The following HOOK2 variants were observed in gnomAD, a reference collection of about 807,000 sequenced individuals.
HOOK2 encodes hook microtubule tethering protein 2.
HOOK2 carries 108 observed loss-of-function variants against 111.9 expected under a neutral mutation model. The observed-to-expected ratio is 0.96, with a 90% CI of 0.83 to 1.13. The LOEUF (loss-of-function observed/expected upper bound fraction) is 1.13. HOOK2 is among the 50% of genes most tolerant of loss of function. The probability of loss-of-function intolerance (pLI) is 0.00; values close to 1 mark genes in which losing one functional copy is unlikely to be tolerated. For missense variants in HOOK2, 978 were observed against 951.3 expected (o/e 1.03, Z -0.37); for synonymous variants, 405 against 394.3 (o/e 1.03, Z -0.32).
At position 12,772,700 on chromosome 19, in the gene HOOK2, A is replaced by T; in HGVS notation, c.389-20T>A. 6.2e-7 allele frequency: 1 copy of T among 1,614,014 alleles called. No individual in the cohort carries two copies. Among genetic ancestry groups the T allele is most frequent in the Non-Finnish European group, 8.5e-7 (1 of 1,179,928 alleles). ...TGTGGTCTGGGGATCAAGGTGGGGG[A>T]GGCTGAGACCCAGGGGTGAGGTGGG... On this transcript the variant is annotated intron_variant, in intron 5 of 22. Transcript: ENST00000397668.
chr19:12,777,574 G>C (rs1417564154), upstream of HOOK2, among the ~76,000 whole-genome samples: 4 of 152,272 alleles, frequency 2.6e-5, no homozygotes, highest in South Asian at 2.1e-4. Context: ...GAAGAGGTCA[G>C]TTAGACACAC....
chr19:12,770,485 A>G (rs1464955949), intron 10 of HOOK2, among the ~76,000 whole-genome samples: 2 of 151,834 alleles, frequency 1.3e-5, no homozygotes, highest in African/African-American at 4.8e-5. Context: ...CAGAGATGCT[A>G]TAGGGGCCCA....
intron 20 of HOOK2, among the ~76,000 whole-genome samples, chr19:12,764,069 A>C (rs1465942014): frequency 6.6e-6 from 1 of 152,004 alleles, no homozygotes; most frequent in East Asian, 1.9e-4. Context: ...GCCTGGAGTG[A>C]AGTGGCGCAC....
chr19:12,788,458 C>T (rs184719240), intron 3 of HOOK2, among the ~76,000 whole-genome samples: 1 of 152,246 alleles, frequency 6.6e-6, no homozygotes, highest in African/African-American at 2.4e-5. Flanking sequence ...CTGAGTCTCA[C>T]TGTCTGCGTG....
At chr19:12,765,880 C>T (rs755591515) in intron 16 of HOOK2, 46 bp from the exon 17 acceptor site, 38 of 1,611,564 alleles carry the variant, frequency 2.4e-5, no homozygotes, top group Middle Eastern at 1.6e-4. Context: ...AGGGTTACTT[C>T]GGGGCACAAG....
rs554319032 is a variant in HOOK2, at chr19:12,774,796, C to T, written c.131+16G>A. 1.3e-5 allele frequency: 21 copies of T among 1,613,900 alleles called. No individual in the cohort carries two copies. The South Asian group carries it at 2.3e-4, about 18-fold the overall frequency. ...TGGGGGACACTTTTGGGATCCTCCC[C>T]TTCAGCTCCACTCACATCTGGTTCA... is the stretch of plus-strand genomic sequence containing the variant. On this transcript the variant is annotated intron_variant, in intron 2 of 22. Coordinates refer to ENST00000397668, the MANE Select transcript of HOOK2 (RefSeq NM_013312.3).
chr19:12,770,019 G>T lies in HOOK2; in HGVS notation c.966C>A (p.Gly322=). The T allele has an allele frequency of 2.6e-6, 4 of 1,541,002 alleles. No individual in the cohort carries two copies. Among genetic ancestry groups the T allele is most frequent in the Non-Finnish European group, 3.5e-6 (4 of 1,147,020 alleles). ...CCTGCCGCCGCAGCTCCCTCAGCTC[G>T]CCCAAGCGGCGCCGGCAACTGGTCA... is the stretch of plus-strand genomic sequence containing the variant. ...ATLTSCRRRL[G]ELRELRRQVR... Residue 322 remains glycine, a synonymous_variant, in exon 11 of 23, where the codon GGC becomes GGA. Transcript: ENST00000397668.
Position 12,790,613 on chromosome 19 carries a change from T to C in HOOK2, n.42-16388A>G, listed in dbSNP as rs572553705. 1.3e-5 allele frequency among the ~76,000 whole-genome samples: 2 copies of C among 152,266 alleles called. No homozygotes were observed. Among genetic ancestry groups the C allele is most frequent in the Non-Finnish European group, 2.9e-5 (2 of 68,012 alleles). On this transcript the variant is annotated intron_variant and non_coding_transcript_variant, in intron 3 of 3. Coordinates refer to the HOOK2 transcript ENST00000589765. This position sits in a 1 kb window ranked among gnomAD's most constrained non-coding sequence, Gnocchi z 7.2. ...CACATGTCAACTGAGTACCCTCTTA[T>C]TGTCTTCTCTGCTCCGAAGATGTGT...
chr19:12,786,234 G>C lies in HOOK2; in HGVS notation n.42-12009C>G, dbSNP rs1296664354. 1.3e-5 allele frequency among the ~76,000 whole-genome samples: 2 copies of C among 152,160 alleles called. No homozygotes were observed. Among genetic ancestry groups the C allele is most frequent in the African/African-American group, 4.8e-5 (2 of 41,442 alleles). ...GATCCACACCCAGGGGCAGGGACACGGGAGGGAGGCTGGGTGCTGTGTGCT... is the reference window on the plus strand; with the variant it reads ...GATCCACACCCAGGGGCAGGGACACCGGAGGGAGGCTGGGTGCTGTGTGCT... On this transcript the variant is annotated intron_variant and non_coding_transcript_variant, in intron 3 of 3. Coordinates refer to the HOOK2 transcript ENST00000589765. This position sits in a 1 kb window ranked among gnomAD's most constrained non-coding sequence, Gnocchi z 4.3.
upstream of HOOK2, among the ~76,000 whole-genome samples, chr19:12,779,986 C>A (rs1968583172): frequency 6.6e-6 from 1 of 152,152 alleles, no homozygotes; most frequent in African/African-American, 2.4e-5. Context: ...CCTGTCTCTA[C>A]TAATAATACA....
At position 12,774,266 on chromosome 19, in the gene HOOK2, C is replaced by T. The variant is rs575898716; in HGVS notation, c.204+403G>A. ...GATTACAGGTGCACACCACCCCACC[C>T]AGCTAATTTTTGTATTTTTAGTAGA... On this transcript the variant is annotated intron_variant, in intron 3 of 22. Transcript: ENST00000397668. The T allele has an allele frequency of 8.2e-5, 22 of 266,752 alleles. No homozygotes were observed. In the Middle Eastern group the frequency reaches 4.2e-3, roughly 51 times the overall value. The allele number at this position is 266,752 out of a possible 1,614,324, so 16.5% of individuals were successfully genotyped here.
Position 12,775,479 on chromosome 19 carries a change from G to T in HOOK2, c.-30C>A. Reference sequence around the variant, plus strand: ...CCCGATCGGATTCAATCCAGGCCACGGAGCCCCGGCGCCGCAGCAGCCTCC... The same window carrying T: ...CCCGATCGGATTCAATCCAGGCCACTGAGCCCCGGCGCCGCAGCAGCCTCC... On this transcript the variant is annotated 5_prime_UTR_variant, in exon 1 of 23. Transcript: ENST00000397668. 6.3e-7 allele frequency: 1 copy of T among 1,599,480 alleles called. No individual in the cohort carries two copies. The highest frequency in any genetic ancestry group is 8.5e-7 in the Non-Finnish European group (1 of 1,174,686).
At chr19:12,775,004 C>A in intron 1 of HOOK2, 107 bp from the exon 2 acceptor site, 2 of 1,191,032 alleles carry the variant, frequency 1.7e-6, no homozygotes, top group Admixed American at 2.1e-5. Context: ...GTGGGGCGGG[C>A]GCTGCTCCGC....
intron 20 of HOOK2, chr19:12,764,226 G>C: frequency 6.0e-6 from 1 of 167,096 alleles, no homozygotes; most frequent in Admixed American, 5.7e-5. Context: ...TGTTGGCCAG[G>C]CTGCTCTCGA....
chr19:12,780,426 G>A (rs994290540), upstream of HOOK2, among the ~76,000 whole-genome samples: 1 of 151,284 alleles, frequency 6.6e-6, no homozygotes, highest in Non-Finnish European at 1.5e-5. Context: ...GAGCGATCTC[G>A]GTTCACTGCA....
chr19:12,764,815 A>T lies in HOOK2; in HGVS notation c.1826T>A (p.Met609Lys), dbSNP rs1329163356. ...RYRRYVDKAR[M>K]VMQTMEPKQR... ...TGTGGGAACACCCAGCGTCCTCACC[A>T]TGCGGGCCTTGTCCACGTAGCGGCG... is the stretch of plus-strand genomic sequence containing the variant. Residue 609 changes from methionine (M) to lysine (K), a missense_variant and splice_region_variant, in exon 20 of 23, where the codon ATG (methionine) becomes AAG (lysine). By Grantham distance (95) the Met-to-Lys change is moderately conservative (BLOSUM62 -1). This residue lies in a region of HOOK2 where 277 missense variants were observed against 265.8 expected (regional missense o/e 1.04). Coordinates refer to ENST00000397668, the MANE Select transcript of HOOK2 (RefSeq NM_013312.3). 1.2e-6 allele frequency: 2 copies of T among 1,613,284 alleles called. No homozygotes were observed. The highest frequency in any genetic ancestry group is 8.5e-7 in the Non-Finnish European group (1 of 1,179,730).
chr19:12,767,343 C>T (rs572079447), intron 14 of HOOK2, 52 bp downstream of exon 14: 3 of 1,478,292 alleles, frequency 2.0e-6, no homozygotes, highest in Admixed American at 1.7e-5. Flanking sequence ...GGGCTGAGGG[C>T]GGGCCTTGGC....
chr19:12,776,602 C>A (rs1968518193), upstream of HOOK2, among the ~76,000 whole-genome samples: 1 of 149,720 alleles, frequency 6.7e-6, no homozygotes, highest in Admixed American at 6.7e-5. Flanking sequence ...TCGCTTGAAC[C>A]CTGGAGGCGG....
upstream of HOOK2, among the ~76,000 whole-genome samples, chr19:12,779,999 A>G (rs1968583432): frequency 6.6e-6 from 1 of 152,060 alleles, no homozygotes. Flanking sequence ...ATAATACAAT[A>G]ATCAGCCAGG....
Sources: allele counts gnomAD v4.1 joint callset (sites outside exome capture counted in the v4.1 genomes callset), GRCh38; gene constraint gnomAD v4.1.1; regional missense constraint gnomAD v4.1.1; non-coding constraint Gnocchi (gnomAD v3.1); transcripts MANE v1.5; gene names NCBI Gene and HGNC (gene_info 2026-07-23, HGNC 2026-07-21).